ISCA2: variants seen among roughly 807,000 people sequenced by gnomAD.
The protein encoded by ISCA2 is iron-sulfur cluster assembly 2 homolog, mitochondrial.
ISCA2 carries 21 observed loss-of-function variants against 19.1 expected under a neutral mutation model. That is an observed-to-expected ratio of 1.10 (90% CI 0.78 to 1.59). The LOEUF is 1.59. Ranked by LOEUF, ISCA2 falls within the 40% of genes most tolerant of loss-of-function variation. The pLI, the probability that ISCA2 is intolerant of heterozygous loss-of-function variation, is 0.00. For missense variants in ISCA2, 181 were observed against 191.7 expected (o/e 0.94, Z 0.33); for synonymous variants, 107 against 83.8 (o/e 1.28, Z -1.51).
At position 74,493,803 on chromosome 14, in the gene ISCA2, C is replaced by T. The variant is rs919184603; in HGVS notation, c.29C>T (p.Thr10Met). The T allele has an allele frequency of 5.8e-6, 9 of 1,539,690 alleles. No individual in the cohort carries two copies. The highest frequency in any genetic ancestry group is 7.9e-6 in the Non-Finnish European group (9 of 1,146,372). The change falls in exon 1 of 4, where the codon ACG becomes ATG. Residue 10 changes from threonine (T) to methionine (M), a missense_variant. Coordinates refer to ENST00000556816, the MANE Select transcript of ISCA2 (RefSeq NM_194279.4). The surrounding 1 kb of genome is among the most constrained non-coding windows in gnomAD (Gnocchi z 4.1). The stretch of plus-strand genomic sequence containing the variant: ...GCTGCCGCCTGGGGGTCGTCCCTAA[C>T]GGCCGCGACGCAGAGAGCGGTCACT... MAAAWGSSL[T>M]AATQRAVTPW...
Position 74,494,734 on chromosome 14 carries a change from C to G in ISCA2, c.291-92C>G, listed in dbSNP as rs149110156. The G allele has an allele frequency of 1.3e-5, 15 of 1,131,588 alleles. No individual in the cohort carries two copies. The African/African-American group carries it at 2.2e-4, about 16-fold the overall frequency. 70.1% of individuals were successfully genotyped at this position (1,131,588 alleles called of 1,614,324 possible). A position where few individuals can be genotyped will look rare whatever the true frequency, so the allele number is the denominator to read the frequency against. ...AGGTAATGGGGAAGCTCCCTCTGTACTTTAGAAAACAGAGGATGTGCACCT... is the reference window on the plus strand; with the variant it reads ...AGGTAATGGGGAAGCTCCCTCTGTAGTTTAGAAAACAGAGGATGTGCACCT... On this transcript the variant is annotated intron_variant, in intron 3 of 3. Transcript: ENST00000556816.
At position 74,493,848 on chromosome 14, in the gene ISCA2, A is replaced by C; in HGVS notation, c.71+3A>C. Reference sequence around the variant, plus strand: ...GTCACTCCCTGGCCGAGGGGCAGGTACCAAGACTAGAAAGGCACCTGGAAA... The same window carrying C: ...GTCACTCCCTGGCCGAGGGGCAGGTCCCAAGACTAGAAAGGCACCTGGAAA... On this transcript the variant is annotated splice_donor_region_variant and intron_variant, in intron 1 of 3. Coordinates refer to ENST00000556816, the MANE Select transcript of ISCA2 (RefSeq NM_194279.4). This position sits in a 1 kb window ranked among gnomAD's most constrained non-coding sequence, Gnocchi z 4.1. 3 of 1,559,846 alleles carry C rather than the reference A, an allele frequency of 1.9e-6. No individual in the cohort carries two copies. The highest frequency in any genetic ancestry group is 2.6e-6 in the Non-Finnish European group (3 of 1,151,508).
At chr14:74,494,009 C>T in intron 1 of ISCA2, 41 bp from the exon 2 acceptor site, 1 of 1,506,822 alleles carries the variant, frequency 6.6e-7, no homozygotes, top group Non-Finnish European at 8.9e-7. Context: ...TTGCAAGGTG[C>T]CCCTTCTGCT....
chr14:74,494,620 G>C lies in ISCA2; in HGVS notation c.291-206G>C, dbSNP rs182271653. 255 of 619,816 alleles carry C rather than the reference G, an allele frequency of 4.1e-4. No individual in the cohort carries two copies. In the African/African-American group the frequency reaches 4.3e-3, roughly 11 times the overall value. The allele number at this position is 619,816 out of a possible 1,614,324, so 38.4% of individuals were successfully genotyped here. ...TGGGTAGTCGGTAGAAAGTCAGGCC[G>C]GACTAGATTCCAGGCTTAAGTCCCT... is the stretch of plus-strand genomic sequence containing the variant. On this transcript the variant is annotated intron_variant, in intron 3 of 3. Coordinates refer to ENST00000556816, the MANE Select transcript of ISCA2 (RefSeq NM_194279.4).
Position 74,494,320 on chromosome 14 carries a change from G to T in ISCA2, c.220G>T (p.Val74Leu). The change falls in exon 3 of 4, where the codon GTG (valine) becomes TTG (leucine). Residue 74 changes from valine to leucine, a missense_variant. Coordinates refer to ENST00000556816, the MANE Select transcript of ISCA2 (RefSeq NM_194279.4). ...AGGGTCAGAATTCCTCAGGCTGCAA[G>T]TGGAGGGAGGTGGATGCTCCGGATT... ...TEGSEFLRLQ[V>L]EGGGCSGFQY... 1.2e-6 allele frequency: 2 copies of T among 1,614,236 alleles called. No homozygotes were observed. The highest frequency in any genetic ancestry group is 1.7e-6 in the Non-Finnish European group (2 of 1,180,032).
rs750461853 is a variant in ISCA2, at chr14:74,494,368, ACAG to A, written c.269_271del (p.Thr90_Val91delinsIle). On this transcript the variant is annotated inframe_deletion, in exon 3 of 4. Coordinates refer to ENST00000556816, the MANE Select transcript of ISCA2 (RefSeq NM_194279.4). ...ATTCCAATACAAATTTTCACTGGAT[ACAG>A]TTATCAACCCCGACGACAGGCAAGG... 6.2e-7 allele frequency: 1 copy of A among 1,613,912 alleles called. No individual in the cohort carries two copies. The highest frequency in any genetic ancestry group is 2.2e-5 in the East Asian group (1 of 44,888).
chr14:74,495,599 G>A lies in ISCA2; in HGVS notation c.*599G>A, dbSNP rs1379688067. On this transcript the variant is annotated 3_prime_UTR_variant, in exon 4 of 4. Transcript: ENST00000556816. ...CTATGAGTCATAAAACCAAGAGCCC[G>A]TTACCCAGAAAACTTGGACCAAACC... 6.6e-6 allele frequency: 1 copy of A among 152,136 alleles called. No individual in the cohort carries two copies. The highest frequency in any genetic ancestry group is 1.5e-5 in the Non-Finnish European group (1 of 68,028). 9.4% of individuals were successfully genotyped at this position (152,136 alleles called of 1,614,324 possible). A position where few individuals can be genotyped will look rare whatever the true frequency, so the allele number is the denominator to read the frequency against.
In ISCA2 at chr14:74,494,354, A is replaced by G. The variant is rs148923908; in HGVS notation, c.254A>G (p.Lys85Arg). ...GGTGGATGCTCCGGATTCCAATACA[A>G]ATTTTCACTGGATACAGTTATCAAC... ...EGGGCSGFQYKFSLDTVINPD... is the reference protein window; with the variant it reads ...EGGGCSGFQYRFSLDTVINPD... The change falls in exon 3 of 4, where the codon AAA becomes AGA. Residue 85 changes from lysine to arginine, a missense_variant. By Grantham distance (26) the Lys-to-Arg change is conservative. Transcript: ENST00000556816. The G allele has an allele frequency of 5.8e-5, 94 of 1,614,086 alleles. No individual in the cohort carries two copies. The African/African-American group carries it at 6.8e-4, about 12-fold the overall frequency.
rs375133115 is a variant in ISCA2 at position 74,494,957 on chromosome 14, A to T, written c.422A>T (p.Gln141Leu). The T allele has an allele frequency of 3.0e-5, 49 of 1,613,510 alleles. No homozygotes were observed. The Middle Eastern group carries it at 1.1e-3, about 35-fold the overall frequency. The change falls in exon 4 of 4, where the codon CAG becomes CTG. Residue 141 changes from glutamine (Q) to leucine (L), a missense_variant. Coordinates refer to ENST00000556816, the MANE Select transcript of ISCA2 (RefSeq NM_194279.4). ...CAAGTGTTGAACAATCCTCAAGCAC[A>T]GCAAGGCTGCTCCTGTGGGTCATCT... ...SFQVLNNPQA[Q>L]QGCSCGSSFS...
chr14:74,493,787 TG>T lies in ISCA2; in HGVS notation c.18del (p.Ser7ArgfsTer3), dbSNP rs950263114. On this transcript the variant is annotated frameshift_variant, in exon 1 of 4. Coordinates refer to ENST00000556816, the MANE Select transcript of ISCA2 (RefSeq NM_194279.4). LOFTEE classifies it high-confidence loss of function. This position sits in a 1 kb window ranked among gnomAD's most constrained non-coding sequence, Gnocchi z 4.1. ...CTTGTGGAGGAAGATGGCTGCCGCC[TG>T]GGGGTCGTCCCTAACGGCCGCGACG... MAAA[W>X]GSSLTAATQR... The T allele has an allele frequency of 3.3e-6, 5 of 1,529,170 alleles. No individual in the cohort carries two copies. Among genetic ancestry groups the T allele is most frequent in the African/African-American group, 1.4e-5 (1 of 72,092 alleles). 94.7% of individuals were successfully genotyped at this position (1,529,170 alleles called of 1,614,324 possible).
rs1021474744 is a variant in ISCA2 at position 74,495,953 on chromosome 14, CAT to C, written c.*956_*957del. On this transcript the variant is annotated 3_prime_UTR_variant, in exon 4 of 4. Transcript: ENST00000556816. The stretch of plus-strand genomic sequence containing the variant: ...TACTATTTGAAATTCAAATTTAACT[CAT>C]ATTTTTATTTGCTGACCTTGGCAAC... 4.6e-5 allele frequency: 7 copies of C among 152,270 alleles called. No homozygotes were observed. Among genetic ancestry groups the C allele is most frequent in the Middle Eastern group, 3.4e-3 (1 of 294 alleles). 9.4% of individuals were successfully genotyped at this position (152,270 alleles called of 1,614,324 possible).
rs11159086 is a variant in ISCA2 at position 74,495,572 on chromosome 14, T to C, written c.*572T>C. On this transcript the variant is annotated 3_prime_UTR_variant, in exon 4 of 4. Coordinates refer to ENST00000556816, the MANE Select transcript of ISCA2 (RefSeq NM_194279.4). The stretch of plus-strand genomic sequence containing the variant: ...CATTTTACTCTCATGCTCGTGGATC[T>C]GCTATGAGTCATAAAACCAAGAGCC... 0.2 allele frequency: 30,189 copies of C among 152,216 alleles called. 3,252 individuals carry two copies. Among genetic ancestry groups the C allele is most frequent in the South Asian group, 0.27 (1,313 of 4,826 alleles). 9.4% of individuals were successfully genotyped at this position (152,216 alleles called of 1,614,324 possible).
At position 74,493,822 on chromosome 14, in the gene ISCA2, G is replaced by A. The variant is rs949383555; in HGVS notation, c.48G>A (p.Ala16=). ...GSSLTAATQR[A]VTPWPRGRLL... ...CCCTAACGGCCGCGACGCAGAGAGC[G>A]GTCACTCCCTGGCCGAGGGGCAGGT... Residue 16 remains alanine, a synonymous_variant, in exon 1 of 4, where the codon GCG becomes GCA. Transcript: ENST00000556816. The surrounding 1 kb of genome is among the most constrained non-coding windows in gnomAD (Gnocchi z 4.1). The A allele has an allele frequency of 7.1e-6, 11 of 1,547,422 alleles. No individual in the cohort carries two copies. In the East Asian group the frequency reaches 2.1e-4, roughly 29 times the overall value.
chr14:74,496,117 C>G lies in ISCA2; in HGVS notation c.*1117C>G, dbSNP rs2086844157. The G allele has an allele frequency of 6.6e-6, 1 of 152,088 alleles. No individual in the cohort carries two copies. Among genetic ancestry groups the G allele is most frequent in the Non-Finnish European group, 1.5e-5 (1 of 68,022 alleles). The allele number at this position is 152,088 out of a possible 1,614,324, so 9.4% of individuals were successfully genotyped here. A position where few individuals can be genotyped will look rare whatever the true frequency, so the allele number is the denominator to read the frequency against. ...AGTACTGTGGAGCTGTGTGGACAGA[C>G]AGTGAAAGAAATCTACCACCATCAC... On this transcript the variant is annotated 3_prime_UTR_variant, in exon 4 of 4. Transcript: ENST00000556816.
Position 74,496,027 on chromosome 14 carries a change from G to C in ISCA2, c.*1027G>C, listed in dbSNP as rs372014912. ...AGCTTTTAAAATCACAAATTCTAGT[G>C]AATTAAAGTACTTGTGTAGGTGTGG... On this transcript the variant is annotated 3_prime_UTR_variant, in exon 4 of 4. Transcript: ENST00000556816. The C allele has an allele frequency of 1.3e-5, 2 of 152,240 alleles. No individual in the cohort carries two copies. Among genetic ancestry groups the C allele is most frequent in the African/African-American group, 4.8e-5 (2 of 41,456 alleles). 9.4% of individuals were successfully genotyped at this position (152,240 alleles called of 1,614,324 possible). A position where few individuals can be genotyped will look rare whatever the true frequency, so the allele number is the denominator to read the frequency against.
rs1447510174 is a variant in ISCA2 at position 74,494,039 on chromosome 14, C to T, written c.72-11C>T. 1 of 1,534,368 alleles carries T rather than the reference C, an allele frequency of 6.5e-7. No individual in the cohort carries two copies. The highest frequency in any genetic ancestry group is 8.8e-7 in the Non-Finnish European group (1 of 1,141,632). ...TCTGCTCCCGGGCTCACCCTCCTCC[C>T]TTGCGCGCAGGCTCCTCACGGCCTC... On this transcript the variant is annotated splice_polypyrimidine_tract_variant and intron_variant, in intron 1 of 3. Transcript: ENST00000556816.
chr14:74,493,827 C>G lies in ISCA2; in HGVS notation c.53C>G (p.Thr18Ser). 6.4e-7 allele frequency: 1 copy of G among 1,559,610 alleles called. No homozygotes were observed. The highest frequency in any genetic ancestry group is 2.3e-5 in the East Asian group (1 of 43,148). Reference sequence around the variant, plus strand: ...ACGGCCGCGACGCAGAGAGCGGTCACTCCCTGGCCGAGGGGCAGGTACCAA... The same window carrying G: ...ACGGCCGCGACGCAGAGAGCGGTCAGTCCCTGGCCGAGGGGCAGGTACCAA... ...SLTAATQRAV[T>S]PWPRGRLLTA... Residue 18 changes from threonine to serine, a missense_variant, in exon 1 of 4, where the codon ACT (threonine) becomes AGT (serine). Coordinates refer to ENST00000556816, the MANE Select transcript of ISCA2 (RefSeq NM_194279.4). This position sits in a 1 kb window ranked among gnomAD's most constrained non-coding sequence, Gnocchi z 4.1.
chr14:74,493,948 C>A lies in ISCA2; in HGVS notation c.72-102C>A, dbSNP rs2086812904. 1 of 1,462,612 alleles carries A rather than the reference C, an allele frequency of 6.8e-7. No individual in the cohort carries two copies. Among genetic ancestry groups the A allele is most frequent in the Non-Finnish European group, 9.3e-7 (1 of 1,071,370 alleles). 90.6% of individuals were successfully genotyped at this position (1,462,612 alleles called of 1,614,324 possible). On this transcript the variant is annotated intron_variant, in intron 1 of 3. Transcript: ENST00000556816. This position sits in a 1 kb window ranked among gnomAD's most constrained non-coding sequence, Gnocchi z 4.1. ...GGGGATGCGAGGGTTTGGTGGGAGG[C>A]CGTCCAGGTGGGGGTCGCCAGGTTT...
Position 74,493,878 on chromosome 14 carries a change from G to C in ISCA2, c.71+33G>C. 3 of 1,542,422 alleles carry C rather than the reference G, an allele frequency of 1.9e-6. No homozygotes were observed. Among genetic ancestry groups the C allele is most frequent in the Non-Finnish European group, 2.6e-6 (3 of 1,137,928 alleles). ...GACTAGAAAGGCACCTGGAAAGGGT[G>C]TTTGGTTCTGCGCCTCTAGGACAAA... On this transcript the variant is annotated intron_variant, in intron 1 of 3. Coordinates refer to ENST00000556816, the MANE Select transcript of ISCA2 (RefSeq NM_194279.4). The surrounding 1 kb of genome is among the most constrained non-coding windows in gnomAD (Gnocchi z 4.1).
Sources: allele counts gnomAD v4.1 joint callset, GRCh38; gene constraint gnomAD v4.1.1; non-coding constraint Gnocchi (gnomAD v3.1); transcripts MANE v1.5; gene names NCBI Gene and HGNC (gene_info 2026-07-23, HGNC 2026-07-21).